Variants in RPS6KA2 observed in about 807,000 individuals in gnomAD.
The protein encoded by RPS6KA2 is ribosomal protein S6 kinase alpha-2.
In RPS6KA2, 42 loss-of-function variants were observed where a neutral mutation model predicts 91.8. The observed-to-expected ratio is 0.46, with a 90% confidence interval of 0.36 to 0.59. The LOEUF is 0.59. RPS6KA2 is among the 20% of genes least tolerant of loss of function. RPS6KA2 has a pLI of 0.00. For missense variants in RPS6KA2, 798 were observed against 978.5 expected (o/e 0.82, Z 2.46); for synonymous variants, 414 against 393.6 (o/e 1.05, Z -0.61).
intron 2 of RPS6KA2, chr6:166,702,267 C>T (rs1324631516): frequency 1.7e-5 from 28 of 1,613,168 alleles, no homozygotes; most frequent in Admixed American, 5.0e-5. Flanking sequence ...TGCTTGGACA[C>T]GGATCCTGGA....
chr6:166,824,725 GTC>G (rs1408534382), intron 2 of RPS6KA2, among the ~76,000 whole-genome samples: 5 of 150,212 alleles, frequency 3.3e-5, no homozygotes, highest in South Asian at 2.1e-4. Context: ...CTGTGTGTAT[GTC>G]TGTGTCTGTG....
rs1410753079 is a variant in RPS6KA2 at position 166,626,503 on chromosome 6, C to T, written c.99+418G>A. On this transcript the variant is annotated intron_variant, in intron 1 of 20. Coordinates refer to ENST00000265678, the MANE Select transcript of RPS6KA2 (RefSeq NM_021135.6). The surrounding 1 kb of genome is among the most constrained non-coding windows in gnomAD (Gnocchi z 4.1). The stretch of plus-strand genomic sequence containing the variant: ...CCGGGCACGGCAGACAGCACCTGAT[C>T]AGCGCCTCGGAGGGCGGAGCTGGGG... Among the ~76,000 whole-genome samples the T allele has an allele frequency of 6.6e-6, 1 of 152,230 alleles. No individual in the cohort carries two copies. Among genetic ancestry groups the T allele is most frequent in the Non-Finnish European group, 1.5e-5 (1 of 68,044 alleles).
At chr6:166,719,857 T>G (rs1790122932) in intron 2 of RPS6KA2, among the ~76,000 whole-genome samples, 1 of 152,232 alleles carries the variant, frequency 6.6e-6, no homozygotes, top group South Asian at 2.1e-4. Context: ...CTGGGAGATC[T>G]TATAAAGAAT....
At chr6:166,429,775 G>C (rs556934716) in intron 16 of RPS6KA2, among the ~76,000 whole-genome samples, 16 of 152,186 alleles carry the variant, frequency 1.1e-4, no homozygotes, top group Non-Finnish European at 2.2e-4. Context: ...TTGTTAAAAT[G>C]CTATATAAGC....
At chr6:166,774,711 C>A (rs535963221) in intron 2 of RPS6KA2, among the ~76,000 whole-genome samples, 26 of 152,270 alleles carry the variant, frequency 1.7e-4, no homozygotes, top group African/African-American at 6.0e-4. Context: ...AATGAGCTGG[C>A]CCATATTGGG....
chr6:166,780,031 G>T (rs1294403530), intron 2 of RPS6KA2, among the ~76,000 whole-genome samples: 1 of 152,196 alleles, frequency 6.6e-6, no homozygotes, highest in Non-Finnish European at 1.5e-5. Flanking sequence ...ATAGGGAAAG[G>T]CCTCCTCTGC....
intron 2 of RPS6KA2, among the ~76,000 whole-genome samples, chr6:166,738,677 G>A (rs1790733465): frequency 6.6e-6 from 1 of 152,164 alleles, no homozygotes; most frequent in African/African-American, 2.4e-5. Flanking sequence ...AGAGAATATG[G>A]CTTTAAATAA....
At chr6:166,824,777 G>GTGTGTGTCTA (rs1554260960) in intron 2 of RPS6KA2, among the ~76,000 whole-genome samples, 1 of 25,330 alleles carries the variant, frequency 3.9e-5, no homozygotes, top group African/African-American at 1.0e-4. Context: ...GTGTGTCTAC[G>GTGTGTGTCTA]TGTGTGTCTG....
At position 166,767,814 on chromosome 6, in the gene RPS6KA2, CA is replaced by C. The variant is rs1365063822; in HGVS notation, c.123+90385del. Among the ~76,000 whole-genome samples the C allele has an allele frequency of 2.7e-4, 39 of 144,778 alleles. No individual in the cohort carries two copies. Among genetic ancestry groups the C allele is most frequent in the Non-Finnish European group, 3.5e-4 (23 of 65,466 alleles). 95.0% of individuals were successfully genotyped at this position (144,778 alleles called of 152,430 possible). On this transcript the variant is annotated intron_variant, in intron 2 of 21. Coordinates refer to the RPS6KA2 transcript ENST00000503859. The surrounding 1 kb of genome is among the most constrained non-coding windows in gnomAD (Gnocchi z 4.6). The stretch of plus-strand genomic sequence containing the variant: ...ACACACACACACACACACACACACA[CA>C]CCCTGGTGTCAGGCAGCCGGCCACC...
chr6:166,565,063 G>A (rs894488287), intron 1 of RPS6KA2, among the ~76,000 whole-genome samples: 1 of 152,216 alleles, frequency 6.6e-6, no homozygotes, highest in African/African-American at 2.4e-5. Flanking sequence ...AGAGCCACTT[G>A]GCGAAGTGGA....
intron 1 of RPS6KA2, among the ~76,000 whole-genome samples, chr6:166,618,497 G>A (rs1350036157): frequency 6.6e-6 from 1 of 152,174 alleles, no homozygotes; most frequent in Admixed American, 6.5e-5. Context: ...GATCACTGGG[G>A]TAGAGAGGTG....
intron 1 of RPS6KA2, among the ~76,000 whole-genome samples, chr6:166,597,205 G>A (rs1268822757): frequency 2.0e-5 from 3 of 152,230 alleles, no homozygotes; most frequent in South Asian, 2.1e-4. Flanking sequence ...CATAGGCTAC[G>A]GGATAAGTCG....
chr6:166,811,310 G>A (rs146837203), intron 2 of RPS6KA2, among the ~76,000 whole-genome samples: 1 of 152,196 alleles, frequency 6.6e-6, no homozygotes, highest in East Asian at 1.9e-4. Context: ...GACAGAGCTT[G>A]CCCAGAATGT....
intron 2 of RPS6KA2, among the ~76,000 whole-genome samples, chr6:166,667,189 A>C (rs1461636008): frequency 6.6e-6 from 1 of 152,228 alleles, no homozygotes; most frequent in South Asian, 2.1e-4. Context: ...TTGCACAGCA[A>C]TGTGAGTGTA....
chr6:166,502,175 A>T (rs926948833), intron 6 of RPS6KA2, among the ~76,000 whole-genome samples: 5 of 152,172 alleles, frequency 3.3e-5, no homozygotes, highest in Admixed American at 2.6e-4. Flanking sequence ...ATGCCACTGA[A>T]CTGGGCACTT....
At chr6:166,791,360 T>C (rs11751255) in intron 2 of RPS6KA2, among the ~76,000 whole-genome samples, 4 of 151,960 alleles carry the variant, frequency 2.6e-5, no homozygotes, top group Non-Finnish European at 4.4e-5. Context: ...CCCAGATTCA[T>C]AAAGCAAGTC....
At chr6:166,680,470 G>A (rs1267933602) in intron 2 of RPS6KA2, among the ~76,000 whole-genome samples, 1 of 152,046 alleles carries the variant, frequency 6.6e-6, no homozygotes, top group East Asian at 1.9e-4. Flanking sequence ...TGGAAGGTTT[G>A]TTTTTTTGCT....
chr6:166,741,519 C>T (rs1790815236), intron 2 of RPS6KA2, among the ~76,000 whole-genome samples: 1 of 152,218 alleles, frequency 6.6e-6, no homozygotes. Flanking sequence ...TAAACCGGCA[C>T]TCAAGTGGAT....
chr6:166,645,620 C>A (rs1478121952), intron 2 of RPS6KA2, among the ~76,000 whole-genome samples: 1 of 152,200 alleles, frequency 6.6e-6, no homozygotes, highest in African/African-American at 2.4e-5. Context: ...GCCATGCTCA[C>A]GGGAATGTGC....
Sources: gnomAD v4.1 joint callset for allele counts (sites outside exome capture counted in the v4.1 genomes callset) on GRCh38, gnomAD v4.1.1 for gene constraint, Gnocchi (gnomAD v3.1) non-coding constraint, MANE v1.5 for transcripts, NCBI Gene and HGNC (gene_info 2026-07-23, HGNC 2026-07-21) for gene names.